The following SMIM10L3 variants were observed in gnomAD, a reference collection of about 807,000 sequenced individuals.
The protein encoded by SMIM10L3 is small integral membrane protein 10 like 3, also known as salivary gland specific protein SAGSIN1.
At chr7:6,343,644 G>A in the SMIM10L3 span, among the ~76,000 whole-genome samples, 2 of 151,740 alleles carry the variant, frequency 1.3e-5, no homozygotes, top group Admixed American at 1.3e-4. Flanking sequence ...AAGAACTCCA[G>A]GAGATTAAGG....
At chr7:6,334,600 G>A in the SMIM10L3 span, among the ~76,000 whole-genome samples, 1 of 151,920 alleles carries the variant, frequency 6.6e-6, no homozygotes. Flanking sequence ...CTGAGTAGCT[G>A]GGACTACAGG....
At chr7:6,331,987 C>A in the SMIM10L3 span, among the ~76,000 whole-genome samples, 522 of 151,612 alleles carry the variant, frequency 3.4e-3, 4 homozygotes, top group African/African-American at 0.012. Context: ...TGGCAGGTGT[C>A]TGTAATCCCA....
At chr7:6,345,272 G>C in the SMIM10L3 span, among the ~76,000 whole-genome samples, 5 of 150,864 alleles carry the variant, frequency 3.3e-5, no homozygotes, top group Non-Finnish European at 5.9e-5. Flanking sequence ...CACGCACCAC[G>C]ACACCCGGCT....
chr7:6,331,658 G>A, the SMIM10L3 span, among the ~76,000 whole-genome samples: 1 of 151,766 alleles, frequency 6.6e-6, no homozygotes, highest in Non-Finnish European at 1.5e-5. Context: ...GGGATTACAG[G>A]CGTGAGCCAC....
At chr7:6,346,601 A>T in the SMIM10L3 span, among the ~76,000 whole-genome samples, 2 of 152,228 alleles carry the variant, frequency 1.3e-5, no homozygotes, top group East Asian at 3.9e-4. Context: ...GGGTGGTCTC[A>T]AACTCCTGAG....
At chr7:6,345,422 T>C in the SMIM10L3 span, among the ~76,000 whole-genome samples, 12 of 152,130 alleles carry the variant, frequency 7.9e-5, no homozygotes, top group Non-Finnish European at 2.9e-5. Flanking sequence ...GCCCTCGATC[T>C]GATTTGTTTT....
At chr7:6,338,331 A>C in the SMIM10L3 span, among the ~76,000 whole-genome samples, 1 of 152,166 alleles carries the variant, frequency 6.6e-6, no homozygotes, top group African/African-American at 2.4e-5. Flanking sequence ...ATACAAAATC[A>C]GCTCTTTTTG....
At chr7:6,345,544 A>T in the SMIM10L3 span, among the ~76,000 whole-genome samples, 2 of 152,148 alleles carry the variant, frequency 1.3e-5, no homozygotes, top group Non-Finnish European at 2.9e-5. Flanking sequence ...AAGCAGATAT[A>T]TGAAAAAGGT....
At chr7:6,345,049 G>A in the SMIM10L3 span, among the ~76,000 whole-genome samples, 1 of 152,006 alleles carries the variant, frequency 6.6e-6, no homozygotes, top group East Asian at 1.9e-4. Flanking sequence ...CGGCCACTGC[G>A]CCCGGCCAGA....
At chr7:6,347,198 C>T in the SMIM10L3 span, among the ~76,000 whole-genome samples, 2 of 152,070 alleles carry the variant, frequency 1.3e-5, no homozygotes, top group African/African-American at 2.4e-5. Flanking sequence ...AAAAAGGCAA[C>T]TGGAATTCAA....
chr7:6,338,154 A>C, the SMIM10L3 span, among the ~76,000 whole-genome samples: 2 of 152,254 alleles, frequency 1.3e-5, no homozygotes, highest in Admixed American at 1.3e-4. Flanking sequence ...ACAGCCCTCA[A>C]CTAACCTCTT....
chr7:6,338,901 G>C, the SMIM10L3 span, among the ~76,000 whole-genome samples: 12 of 152,334 alleles, frequency 7.9e-5, no homozygotes, highest in Admixed American at 3.3e-4. Context: ...GGTGGGCCTT[G>C]AGGGACTGCC....
chr7:6,342,488 A>G, the SMIM10L3 span, among the ~76,000 whole-genome samples: 67,989 of 151,740 alleles, frequency 0.45, 16,149 homozygotes, highest in East Asian at 0.88. Flanking sequence ...GCAGTGAGCC[A>G]AGATCACACC....
chr7:6,343,440 ATATAT>A, the SMIM10L3 span, among the ~76,000 whole-genome samples: 1 of 119,744 alleles, frequency 8.4e-6, no homozygotes, highest in Non-Finnish European at 1.8e-5. Flanking sequence ...ATATATATAT[ATATAT>A]GATCTAGGAC....
At chr7:6,342,355 G>C in the SMIM10L3 span, among the ~76,000 whole-genome samples, 1 of 151,884 alleles carries the variant, frequency 6.6e-6, no homozygotes, top group Non-Finnish European at 1.5e-5. Context: ...GACCAGCCCA[G>C]CTAACATGGC....
chr7:6,338,010 G>T, the SMIM10L3 span, among the ~76,000 whole-genome samples: 2 of 151,794 alleles, frequency 1.3e-5, no homozygotes, highest in Admixed American at 6.6e-5. Context: ...CACCATGTTG[G>T]CCAGGCTGCT....
chr7:6,339,593 G>A, the SMIM10L3 span, among the ~76,000 whole-genome samples: 9 of 149,936 alleles, frequency 6.0e-5, no homozygotes, highest in South Asian at 2.1e-4. Context: ...ACGCCATTCC[G>A]CTGCCTCAGC....
chr7:6,343,143 G>A, the SMIM10L3 span, among the ~76,000 whole-genome samples: 56 of 151,722 alleles, frequency 3.7e-4, no homozygotes, highest in African/African-American at 1.1e-3. Flanking sequence ...TTGGGAGGCC[G>A]AGGAGGGTGG....
At chr7:6,341,446 A>AAAT in the SMIM10L3 span, among the ~76,000 whole-genome samples, 3 of 140,808 alleles carry the variant, frequency 2.1e-5, no homozygotes, top group South Asian at 2.1e-4. Context: ...TGTCTCAAAA[A>AAAT]AATAATAATA....
Sources: allele counts gnomAD v4.1 joint callset (sites outside exome capture counted in the v4.1 genomes callset), GRCh38; gene constraint gnomAD v4.1.1; transcripts MANE v1.5; gene names NCBI Gene and HGNC (gene_info 2026-07-23, HGNC 2026-07-21).